Variants in AP4B1 observed in about 807,000 individuals in gnomAD.
The protein encoded by AP4B1 is AP-4 complex subunit beta-1.
AP4B1 carries 49 observed loss-of-function variants against 76.5 expected under a neutral mutation model. The observed-to-expected ratio is 0.64, with a 90% CI of 0.51 to 0.81. The LOEUF (loss-of-function observed/expected upper bound fraction) is 0.81. Ranked by LOEUF, AP4B1 falls within the 40% of genes least tolerant of loss-of-function variation. The pLI, the probability that AP4B1 is intolerant of heterozygous loss-of-function variation, is 0.00. For missense variants in AP4B1, 911 were observed against 904.9 expected (o/e 1.01, Z -0.09); for synonymous variants, 330 against 333.3 (o/e 0.99, Z 0.11).
rs574203813 is a variant in AP4B1, at chr1:113,902,962, T to C, written c.114-100A>G. On this transcript the variant is annotated intron_variant, in intron 1 of 9. Transcript: ENST00000369569. ...ATCTCCTGATTACCCAACTAGATTG[T>C]GATCTCTTAGAGGGTAGCAGCCAGG... 9 of 1,071,536 alleles carry C rather than the reference T, an allele frequency of 8.4e-6. No individual in the cohort carries two copies. The South Asian group carries it at 1.2e-4, about 14-fold the overall frequency. The allele number at this position is 1,071,536 out of a possible 1,614,324, so 66.4% of individuals were successfully genotyped here.
At chr1:113,897,805 C>G in intron 7 of AP4B1, 35 bp downstream of exon 7, 2 of 1,606,116 alleles carry the variant, frequency 1.2e-6, no homozygotes, top group Non-Finnish European at 1.7e-6. Flanking sequence ...AAGCATTCTC[C>G]CCCTACCTAG....
At chr1:113,904,572 A>G (rs1195021631) in intron 1 of AP4B1, 33 bp downstream of exon 1, 1 of 1,597,444 alleles carries the variant, frequency 6.3e-7, no homozygotes, top group Admixed American at 1.7e-5. Context: ...TTGCAAAGGG[A>G]GCAGTTAGCA....
intron 8 of AP4B1, 71 bp from the exon 9 acceptor site, chr1:113,896,109 A>C: frequency 1.9e-6 from 3 of 1,606,948 alleles, no homozygotes; most frequent in African/African-American, 2.7e-5. Context: ...GCCAACCATA[A>C]TAGGAGAAAA....
Position 113,894,909 on chromosome 1 carries a change from C to A in AP4B1, c.*156G>T. ...GCCAATAGGAATGAAAGGAATGAATCAATGTTCTTTGGCCAAAAACTTAAG... is the reference window on the plus strand; with the variant it reads ...GCCAATAGGAATGAAAGGAATGAATAAATGTTCTTTGGCCAAAAACTTAAG... On this transcript the variant is annotated 3_prime_UTR_variant, in exon 10 of 10. Transcript: ENST00000369569. The A allele has an allele frequency of 1.3e-6, 1 of 780,724 alleles. No homozygotes were observed. Among genetic ancestry groups the A allele is most frequent in the Non-Finnish European group, 2.0e-6 (1 of 498,410 alleles). 48.4% of individuals were successfully genotyped at this position (780,724 alleles called of 1,614,324 possible). A position where few individuals can be genotyped will look rare whatever the true frequency, so the allele number is the denominator to read the frequency against.
intron 3 of AP4B1, 102 bp from the exon 4 acceptor site, chr1:113,901,485 G>T (rs1668258664): frequency 2.2e-6 from 3 of 1,386,276 alleles, no homozygotes; most frequent in Non-Finnish European, 3.0e-6. Flanking sequence ...GAACTTCTCT[G>T]CTACAAAAAT....
chr1:113,901,063 C>T lies in AP4B1; in HGVS notation c.617+173G>A, dbSNP rs1030160422. 3.5e-5 allele frequency: 31 copies of T among 889,660 alleles called. No homozygotes were observed. The Middle Eastern group carries it at 9.4e-4, about 27-fold the overall frequency. 55.1% of individuals were successfully genotyped at this position (889,660 alleles called of 1,614,324 possible). A position where few individuals can be genotyped will look rare whatever the true frequency, so the allele number is the denominator to read the frequency against. ...CGGAGGTTGCGGTAAGCCGAGATAG[C>T]GCCATTGCACTCCAGCTTAGACAAC... On this transcript the variant is annotated intron_variant, in intron 4 of 9. Coordinates refer to ENST00000369569, the MANE Select transcript of AP4B1 (RefSeq NM_001253852.3).
intron 6 of AP4B1, among the ~76,000 whole-genome samples, chr1:113,898,307 A>C (rs1667745078): frequency 1.3e-5 from 2 of 152,214 alleles, no homozygotes; most frequent in African/African-American, 2.4e-5. Flanking sequence ...TAGGGTTCAA[A>C]ATTGAAGAAG....
At position 113,900,029 on chromosome 1, in the gene AP4B1, A is replaced by G; in HGVS notation, c.989T>C (p.Leu330Pro). 1.9e-6 allele frequency: 3 copies of G among 1,614,174 alleles called. No individual in the cohort carries two copies. The South Asian group carries it at 3.3e-5, about 18-fold the overall frequency. ...CSYSEPHYIK[L>P]QKVEVLCELV... Reference sequence around the variant, plus strand: ...TTCACACAGCACCTCCACTTTCTGTAGTTTGATGTAGTGGGGCTCCGAGTA... The same window carrying G: ...TTCACACAGCACCTCCACTTTCTGTGGTTTGATGTAGTGGGGCTCCGAGTA... Residue 330 changes from leucine to proline, a missense_variant, in exon 5 of 10, where the codon CTA (leucine) becomes CCA (proline). Coordinates refer to ENST00000369569, the MANE Select transcript of AP4B1 (RefSeq NM_001253852.3).
At position 113,895,702 on chromosome 1, in the gene AP4B1, C is replaced by A. The variant is rs773424696; in HGVS notation, c.1792+55G>T. 4 of 1,606,626 alleles carry A rather than the reference C, an allele frequency of 2.5e-6. No individual in the cohort carries two copies. In the African/African-American group the frequency reaches 5.3e-5, roughly 21 times the overall value. ...CTAAGATACTCTACTTTCCACCAAT[C>A]ATTGAAAAGGTAAAGATTTATCATG... is the stretch of plus-strand genomic sequence containing the variant. On this transcript the variant is annotated intron_variant, in intron 9 of 9. Transcript: ENST00000369569.
At position 113,894,283 on chromosome 1, in the gene AP4B1, T is replaced by C. The variant is rs952663432; in HGVS notation, c.*782A>G. On this transcript the variant is annotated 3_prime_UTR_variant, in exon 10 of 10. Transcript: ENST00000369569. ...TGGTCAGATAAGAACAGAATAAAAA[T>C]TGAGGACAAGCAACAAGAAAACAAT... Among the ~76,000 whole-genome samples, 1 of 152,202 alleles carries C rather than the reference T, an allele frequency of 6.6e-6. No homozygotes were observed. Among genetic ancestry groups the C allele is most frequent in the Non-Finnish European group, 1.5e-5 (1 of 68,038 alleles).
At chr1:113,902,511 G>A in intron 2 of AP4B1, 127 bp downstream of exon 2, 4 of 964,992 alleles carry the variant, frequency 4.1e-6, no homozygotes, top group Non-Finnish European at 6.4e-6. Flanking sequence ...GAAAATCTGA[G>A]TTCAGGGTAC....
At position 113,901,398 on chromosome 1, in the gene AP4B1, A is replaced by G. The variant is rs769066737; in HGVS notation, c.470-15T>C. Reference sequence around the variant, plus strand: ...CAGGGCACCATCTATAAAAAAGAACAAAGTTCTTAGATAAAGAAGGAAAGC... The same window carrying G: ...CAGGGCACCATCTATAAAAAAGAACGAAGTTCTTAGATAAAGAAGGAAAGC... On this transcript the variant is annotated splice_polypyrimidine_tract_variant and intron_variant, in intron 3 of 9. Transcript: ENST00000369569. 3.7e-6 allele frequency: 6 copies of G among 1,612,736 alleles called. No homozygotes were observed. Among genetic ancestry groups the G allele is most frequent in the Non-Finnish European group, 4.2e-6 (5 of 1,178,704 alleles).
At position 113,895,123 on chromosome 1, in the gene AP4B1, T is replaced by A. The variant is rs777639673; in HGVS notation, c.2162A>T (p.Asn721Ile). Residue 721 changes from asparagine to isoleucine, a missense_variant, in exon 10 of 10, where the codon AAT (asparagine) becomes ATT (isoleucine). Physicochemically the swap from Asn to Ile is moderately radical, Grantham distance 149 (BLOSUM62 -3). Coordinates refer to ENST00000369569, the MANE Select transcript of AP4B1 (RefSeq NM_001253852.3). ...KQNEARTETL[N>I]SFISVLETVI... ...AGTTTCTAATACAGAAATAAAACTATTCAGCGTCTCCGTTCTTGCTTCATT... is the reference window on the plus strand; with the variant it reads ...AGTTTCTAATACAGAAATAAAACTAATCAGCGTCTCCGTTCTTGCTTCATT... 1.2e-6 allele frequency: 2 copies of A among 1,614,088 alleles called. No homozygotes were observed. The highest frequency in any genetic ancestry group is 1.7e-6 in the Non-Finnish European group (2 of 1,180,048).
rs775291521 is a variant in AP4B1 at position 113,895,174 on chromosome 1, G to C, written c.2111C>G (p.Ser704Ter). The C allele has an allele frequency of 4.3e-6, 7 of 1,614,044 alleles. No homozygotes were observed. In the South Asian group the frequency reaches 6.6e-5, roughly 15 times the overall value. ...LTELLLEPGN[S>*]EMQISVKQNE... is the part of the protein sequence containing the mutation. ...TTGTTTCACAGAGATCTGCATTTCT[G>C]AGTTTCCAGGCTCCAATAGCAGTTC... The change falls in exon 10 of 10, where the codon TCA (serine) becomes TGA (stop). Residue 704 changes from serine to a stop codon, truncating the protein, a stop_gained. Coordinates refer to ENST00000369569, the MANE Select transcript of AP4B1 (RefSeq NM_001253852.3). LOFTEE classifies it high-confidence loss of function.
At position 113,900,050 on chromosome 1, in the gene AP4B1, GA is replaced by G. The variant is rs745580319; in HGVS notation, c.967del (p.Ser323ArgfsTer18). The G allele has an allele frequency of 3.1e-6, 5 of 1,614,150 alleles. No individual in the cohort carries two copies. The South Asian group carries it at 4.4e-5, about 14-fold the overall frequency. On this transcript the variant is annotated frameshift_variant, in exon 5 of 10. Coordinates refer to ENST00000369569, the MANE Select transcript of AP4B1 (RefSeq NM_001253852.3). LOFTEE classifies it high-confidence loss of function. ...SHYKKFFCSY[S>X]EPHYIKLQKV... ...CTGTAGTTTGATGTAGTGGGGCTCC[GA>G]GTAGGAGCAAAAAAACTTTTTGTAG...
In AP4B1 at chr1:113,895,850, ACACTGGCACC is replaced by A. The variant is rs1377423498; in HGVS notation, c.1689_1698del (p.Val564MetfsTer34). 6.2e-7 allele frequency: 1 copy of A among 1,614,244 alleles called. No individual in the cohort carries two copies. Among genetic ancestry groups the A allele is most frequent in the Non-Finnish European group, 8.5e-7 (1 of 1,180,038 alleles). On this transcript the variant is annotated frameshift_variant, in exon 9 of 10. Coordinates refer to ENST00000369569, the MANE Select transcript of AP4B1 (RefSeq NM_001253852.3). LOFTEE classifies it high-confidence loss of function. ...ATAGTTGCCCAGTGGGCTTTGCCAT[ACACTGGCACC>A]AGTGTGTTGAAGTCTGAGGCCCAGC...
intron 3 of AP4B1, among the ~76,000 whole-genome samples, 159 bp downstream of exon 3, chr1:113,901,596 G>C (rs1190878464): frequency 6.6e-6 from 1 of 152,082 alleles, no homozygotes; most frequent in African/African-American, 2.4e-5. Flanking sequence ...CCAGAGAAAG[G>C]ACTTCTCATC....
Position 113,896,001 on chromosome 1 carries a change from G to C in AP4B1, c.1548C>G (p.Leu516=), listed in dbSNP as rs1486408826. ...CAACTAAGAGGAGGCGATAATAGAA[G>C]AGACCTCGGTCCCGTACAGCCATAT... is the stretch of plus-strand genomic sequence containing the variant. ...EKDMAVRDRG[L]FYYRLLLVGI... Residue 516 remains leucine (L), a synonymous_variant, in exon 9 of 10, where the codon CTC becomes CTG. Transcript: ENST00000369569. 1.2e-6 allele frequency: 2 copies of C among 1,614,176 alleles called. No individual in the cohort carries two copies. The highest frequency in any genetic ancestry group is 2.2e-5 in the South Asian group (2 of 91,082).
At chr1:113,898,647 A>T in intron 6 of AP4B1, 71 bp downstream of exon 6, 2 of 1,127,396 alleles carry the variant, frequency 1.8e-6, no homozygotes, top group South Asian at 2.5e-5. Flanking sequence ...AACAACAAAC[A>T]TGTTTTGAGC....
Sources: gnomAD v4.1 joint callset for allele counts (sites outside exome capture counted in the v4.1 genomes callset) on GRCh38, gnomAD v4.1.1 for gene constraint, MANE v1.5 for transcripts, NCBI Gene and HGNC (gene_info 2026-07-23, HGNC 2026-07-21) for gene names.